ATP9A: variants seen among roughly 807,000 people sequenced by gnomAD.
ATP9A encodes ATPase phospholipid transporting 9A, also known as probable phospholipid-transporting ATPase IIA.
Under a neutral mutation model 144.1 loss-of-function variants are expected in ATP9A, and 52 were observed. That is an observed-to-expected ratio of 0.36 (90% CI 0.29 to 0.45). The LOEUF (loss-of-function observed/expected upper bound fraction) is 0.45, where lower values mean the gene tolerates loss of function less well. Ranked by LOEUF, ATP9A falls within the 20% of genes least tolerant of loss-of-function variation. The pLI is 1.00. For synonymous variants in ATP9A, 582 were observed against 557.4 expected (o/e 1.04, Z -0.62); for missense variants, 947 against 1,392.7 (o/e 0.68, Z 5.09).
intron 27 of ATP9A, among the ~76,000 whole-genome samples, chr20:51,601,892 A>G (rs2077144676): frequency 6.6e-6 from 1 of 152,142 alleles, no homozygotes; most frequent in Non-Finnish European, 1.5e-5. Context: ...GGGCAACAGA[A>G]TAAGACACTG....
chr20:51,723,031 A>G (rs908052722), intron 3 of ATP9A, among the ~76,000 whole-genome samples: 1 of 152,194 alleles, frequency 6.6e-6, no homozygotes, highest in African/African-American at 2.4e-5. Context: ...GTGGATAAAT[A>G]AACTGTGGTA....
chr20:51,673,352 C>T (rs907117220), intron 11 of ATP9A, among the ~76,000 whole-genome samples: 5 of 152,002 alleles, frequency 3.3e-5, no homozygotes, highest in East Asian at 1.9e-4. Context: ...CCAGCCTGGG[C>T]GACAGAGCAA....
rs1360832614 is a variant in ATP9A at position 51,756,276 on chromosome 20, T to A, written c.68+12026A>T. On this transcript the variant is annotated intron_variant, in intron 1 of 27. Coordinates refer to ENST00000338821, the MANE Select transcript of ATP9A (RefSeq NM_006045.3). Reference sequence around the variant, plus strand: ...CACGGTCTTTTCTCTGGTGTCTCTGTCTTTTTTTTTTTTTCTTTCTTTCTT... The same window carrying A: ...CACGGTCTTTTCTCTGGTGTCTCTGACTTTTTTTTTTTTTCTTTCTTTCTT... 7.7e-5 allele frequency among the ~76,000 whole-genome samples: 5 copies of A among 64,584 alleles called. No individual in the cohort carries two copies. In the East Asian group the frequency reaches 7.6e-3, roughly 98 times the overall value. 42.4% of individuals were successfully genotyped at this position (64,584 alleles called of 152,430 possible). A position where few individuals can be genotyped will look rare whatever the true frequency, so the allele number is the denominator to read the frequency against.
rs138550923 is a variant in ATP9A, at chr20:51,627,626, C to G, written c.1819G>C (p.Ala607Pro). The G allele has an allele frequency of 6.3e-5, 101 of 1,614,184 alleles. No individual in the cohort carries two copies. In the African/African-American group the frequency reaches 1.3e-3, roughly 21 times the overall value. Reference sequence around the variant, plus strand: ...TCAAAGTCCTGATACTGCTCCTCTGCAAGAGACTTCTTTGCCACCACGAGC... The same window carrying G: ...TCAAAGTCCTGATACTGCTCCTCTGGAAGAGACTTCTTTGCCACCACGAGC... ...RVLVVAKKSLAEEQYQDFEAR... is the reference protein window; with the variant it reads ...RVLVVAKKSLPEEQYQDFEAR... The change falls in exon 17 of 28, where the codon GCA (alanine) becomes CCA (proline). Residue 607 changes from alanine to proline, a missense_variant. Transcript: ENST00000338821.
intron 10 of ATP9A, 143 bp from the exon 11 acceptor site, chr20:51,674,456 A>G: frequency 2.7e-6 from 2 of 728,108 alleles, no homozygotes; most frequent in Non-Finnish European, 2.2e-6. Flanking sequence ...CCCTACAAAC[A>G]CCTCTACCCC....
chr20:51,656,854 T>C (rs1216317880), intron 14 of ATP9A, 84 bp downstream of exon 14: 8 of 1,314,236 alleles, frequency 6.1e-6, no homozygotes, highest in Non-Finnish European at 6.4e-6. Context: ...CCCTGACACA[T>C]TGCTTCCTTA....
chr20:51,708,032 A>G (rs916620961), intron 4 of ATP9A, among the ~76,000 whole-genome samples: 6 of 152,068 alleles, frequency 3.9e-5, no homozygotes, highest in Non-Finnish European at 7.4e-5. Flanking sequence ...CCAACCAAAT[A>G]TTTCCTAAAA....
Position 51,700,602 on chromosome 20 carries a change from G to A in ATP9A, c.437-3120C>T, listed in dbSNP as rs147669073. ...TCCCAACACTTTGGGAGGCCGAGGC[G>A]GGCGGATCACCTGAGGTCAGGAGTT... On this transcript the variant is annotated intron_variant, in intron 4 of 27. Transcript: ENST00000338821. Among the ~76,000 whole-genome samples, 1,356 of 152,252 alleles carry A rather than the reference G, an allele frequency of 8.9e-3. 21 individuals are homozygous for A. The highest frequency in any genetic ancestry group is 0.03 in the African/African-American group (1,267 of 41,558).
chr20:51,670,233 C>G, intron 12 of ATP9A, 124 bp from the exon 13 acceptor site: 1 of 707,814 alleles, frequency 1.4e-6, no homozygotes, highest in Non-Finnish European at 2.4e-6. Context: ...AGTACTGTCC[C>G]TGCTGGGGAA....
intron 7 of ATP9A, among the ~76,000 whole-genome samples, chr20:51,692,230 A>C (rs897047730): frequency 6.6e-6 from 1 of 152,214 alleles, no homozygotes; most frequent in African/African-American, 2.4e-5. Context: ...ACACTTAAAA[A>C]CGGTTAGGAC....
In ATP9A at chr20:51,674,189, C is replaced by T. The variant is rs1275597388; in HGVS notation, c.1001G>A (p.Arg334His). 2 of 1,613,904 alleles carry T rather than the reference C, an allele frequency of 1.2e-6. No homozygotes were observed. Among genetic ancestry groups the T allele is most frequent in the South Asian group, 1.1e-5 (1 of 91,042 alleles). ...GATGTTGGAAAACAAGAGGAGGAAGCGGATGATCTGCAGGTACCAACGGCC... is the reference window on the plus strand; with the variant it reads ...GATGTTGGAAAACAAGAGGAGGAAGTGGATGATCTGCAGGTACCAACGGCC... Reference protein sequence around the residue: ...FAGRWYLQIIRFLLLFSNIIP... With the variant: ...FAGRWYLQIIHFLLLFSNIIP... The change falls in exon 11 of 28, where the codon CGC (arginine) becomes CAC (histidine). Residue 334 changes from arginine to histidine, a missense_variant. By Grantham distance (29) the Arg-to-His change is conservative (BLOSUM62 0). This residue lies in a region of ATP9A where 770 missense variants were observed against 1,047.9 expected (regional missense o/e 0.73). Coordinates refer to ENST00000338821, the MANE Select transcript of ATP9A (RefSeq NM_006045.3).
intron 1 of ATP9A, among the ~76,000 whole-genome samples, chr20:51,730,795 C>T (rs1391576868): frequency 6.6e-6 from 1 of 152,132 alleles, no homozygotes; most frequent in Non-Finnish European, 1.5e-5. Context: ...ATACAGTATT[C>T]TAATCTAATG....
rs77673249 is a variant in ATP9A at position 51,640,373 on chromosome 20, G to A, written c.1507-869C>T. Among the ~76,000 whole-genome samples, 1,347 of 152,272 alleles carry A rather than the reference G, an allele frequency of 8.8e-3. 15 individuals are homozygous for A. The highest frequency in any genetic ancestry group is 9.9e-3 in the Non-Finnish European group (674 of 68,018). ...GAAGGAGGTAATGCTGGTATCCAGT[G>A]GGCAGAGGCCAGGGATGCTACAAAA... On this transcript the variant is annotated intron_variant, in intron 14 of 27. Coordinates refer to ENST00000338821, the MANE Select transcript of ATP9A (RefSeq NM_006045.3).
intron 15 of ATP9A, among the ~76,000 whole-genome samples, chr20:51,630,827 T>G (rs1388683964): frequency 6.6e-6 from 1 of 152,210 alleles, no homozygotes; most frequent in Non-Finnish European, 1.5e-5. Flanking sequence ...TCAACCTTGA[T>G]GTTATCGCAC....
At chr20:51,753,454 AAAC>A (rs11472926) in intron 1 of ATP9A, among the ~76,000 whole-genome samples, 20,344 of 149,092 alleles carry the variant, frequency 0.14, 1,449 homozygotes, top group Non-Finnish European at 0.15. Context: ...CCGTCTCAAA[AAAC>A]AACAACAACA....
intron 4 of ATP9A, among the ~76,000 whole-genome samples, chr20:51,698,133 C>T (rs2077578356): frequency 6.6e-6 from 1 of 152,182 alleles, no homozygotes; most frequent in South Asian, 2.1e-4. Context: ...CCCACCTTCC[C>T]CCAAAGTCTC....
chr20:51,768,265 C>T (rs1228672094), intron 1 of ATP9A, 37 bp downstream of exon 1: 4 of 1,223,492 alleles, frequency 3.3e-6, no homozygotes, highest in African/African-American at 1.6e-5. Context: ...CTCCGGGAGG[C>T]GCGGACAAAG....
Position 51,601,304 on chromosome 20 carries a change from G to A in ATP9A, c.3051C>T (p.Ser1017=), listed in dbSNP as rs540158286. The change falls in exon 28 of 28, where the codon TCC becomes TCT. Residue 1017 remains serine (S), a synonymous_variant. Transcript: ENST00000338821. ...GGAGGCAGCTGACCAGAGTGATGAC[G>A]GAGACTTTCCACAAGAATGACAAGG... The part of the protein sequence containing the change: ...IATLSFLWKV[S]VITLVSCLPL... 8.7e-6 allele frequency: 14 copies of A among 1,613,496 alleles called. No individual in the cohort carries two copies. Among genetic ancestry groups the A allele is most frequent in the African/African-American group, 5.3e-5 (4 of 74,870 alleles).
In ATP9A at chr20:51,600,426, C is replaced by G. The variant is rs2077137323; in HGVS notation, c.*785G>C. On this transcript the variant is annotated 3_prime_UTR_variant, in exon 28 of 28. Coordinates refer to ENST00000338821, the MANE Select transcript of ATP9A (RefSeq NM_006045.3). Reference sequence around the variant, plus strand: ...GTCTGAGGTCCTTCTCAAACAGCCACTGGCTTTGTGATTGTTACCAGGTCC... The same window carrying G: ...GTCTGAGGTCCTTCTCAAACAGCCAGTGGCTTTGTGATTGTTACCAGGTCC... 1.3e-5 allele frequency: 2 copies of G among 152,212 alleles called. No individual in the cohort carries two copies. Among genetic ancestry groups the G allele is most frequent in the African/African-American group, 4.8e-5 (2 of 41,456 alleles). 9.4% of individuals were successfully genotyped at this position (152,212 alleles called of 1,614,324 possible). A position where few individuals can be genotyped will look rare whatever the true frequency, so the allele number is the denominator to read the frequency against.
Sources: gnomAD v4.1 joint callset for allele counts (sites outside exome capture counted in the v4.1 genomes callset) on GRCh38, gnomAD v4.1.1 for gene constraint, gnomAD v4.1.1 regional missense constraint, MANE v1.5 for transcripts, NCBI Gene and HGNC (gene_info 2026-07-23, HGNC 2026-07-21) for gene names.